The following EEA1 variants were observed in gnomAD, a reference collection of about 807,000 sequenced individuals.
The protein encoded by EEA1 is early endosome antigen 1.
In EEA1, 111 loss-of-function variants were observed where a neutral mutation model predicts 209.2. The ratio of observed to expected loss-of-function variants is 0.53; its 90% CI spans 0.45 to 0.62. EEA1 has a LOEUF of 0.62. Among genes scored for constraint, EEA1 ranks in the 20% least tolerant of loss-of-function variants. The pLI is 0.00. For synonymous variants in EEA1, 536 were observed against 540.6 expected (o/e 0.99, Z 0.12); for missense variants, 1,343 against 1,530.8 (o/e 0.88, Z 2.05).
intron 1 of EEA1, among the ~76,000 whole-genome samples, chr12:92,926,159 A>G (rs1164306804): frequency 2.0e-5 from 3 of 151,896 alleles, no homozygotes; most frequent in South Asian, 2.1e-4. Flanking sequence ...ACTCCCGGCT[A>G]ATTTTGTATT....
intron 2 of EEA1, among the ~76,000 whole-genome samples, chr12:92,871,174 T>G (rs1878627066): frequency 6.6e-6 from 1 of 152,248 alleles, no homozygotes; most frequent in Non-Finnish European, 1.5e-5. Flanking sequence ...AATATTAACT[T>G]AAATTTCTGT....
intron 2 of EEA1, chr12:92,884,522 A>C (rs146661494): frequency 3.4e-5 from 50 of 1,484,344 alleles, no homozygotes; most frequent in Non-Finnish European, 4.4e-5. Flanking sequence ...TGGAAGCTAC[A>C]ATGATTTTGG....
chr12:92,907,800 G>T (rs1880435333), intron 1 of EEA1, among the ~76,000 whole-genome samples: 1 of 152,066 alleles, frequency 6.6e-6, no homozygotes, highest in Admixed American at 6.6e-5. Context: ...AAGAACTTCA[G>T]TTAAAACCTA....
intron 10 of EEA1, among the ~76,000 whole-genome samples, 199 bp downstream of exon 10, chr12:92,842,266 T>A (rs940274955): frequency 6.6e-6 from 1 of 151,944 alleles, no homozygotes; most frequent in Admixed American, 6.6e-5. Context: ...AATGCAGAGT[T>A]AACAGTTATA....
chr12:92,849,891 A>G (rs906181124), intron 9 of EEA1, among the ~76,000 whole-genome samples: 18 of 152,222 alleles, frequency 1.2e-4, no homozygotes, highest in African/African-American at 4.1e-4. Flanking sequence ...TCAGAGGTCT[A>G]CTTTACATAA....
chr12:92,777,605 T>C lies in EEA1; in HGVS notation c.3952A>G (p.Arg1318Gly). Residue 1318 changes from arginine (R) to glycine (G), a missense_variant, in exon 27 of 29, where the codon AGA becomes GGA. Physicochemically the swap from Arg to Gly is moderately radical, Grantham distance 125 (BLOSUM62 -2). This residue lies in a region of EEA1 where 1,307 missense variants were observed against 1,465.5 expected (regional missense o/e 0.89). Transcript: ENST00000322349. Reference sequence around the variant, plus strand: ...GCTGCAGTTGTATTATCCAGCTTTCTTTGCAATTCTAATACTTTGGTTTGA... The same window carrying C: ...GCTGCAGTTGTATTATCCAGCTTTCCTTGCAATTCTAATACTTTGGTTTGA... ...KLQTKVLELQ[R>G]KLDNTTAAVQ... 6.2e-7 allele frequency: 1 copy of C among 1,612,488 alleles called. No homozygotes were observed. The highest frequency in any genetic ancestry group is 8.5e-7 in the Non-Finnish European group (1 of 1,178,972).
In EEA1 at chr12:92,884,323, G is replaced by A. The variant is rs1879288669; in HGVS notation, c.117+7306C>T. 4.6e-6 allele frequency: 6 copies of A among 1,304,722 alleles called. No individual in the cohort carries two copies. The Admixed American group carries it at 5.0e-5, about 11-fold the overall frequency. The allele number at this position is 1,304,722 out of a possible 1,614,324, so 80.8% of individuals were successfully genotyped here. The stretch of plus-strand genomic sequence containing the variant: ...TTAGGAAAGCCCTGTCAAAGCAAGA[G>A]ATGGCTAGGGCTTTATCCAGCCAAA... On this transcript the variant is annotated intron_variant, in intron 2 of 28. Coordinates refer to ENST00000322349, the MANE Select transcript of EEA1 (RefSeq NM_003566.4).
chr12:92,871,883 T>TTTTA (rs960024534), intron 2 of EEA1, among the ~76,000 whole-genome samples: 2 of 152,252 alleles, frequency 1.3e-5, no homozygotes, highest in East Asian at 1.9e-4. Flanking sequence ...TTAGCTTTTA[T>TTTTA]TTTATTTATT....
In EEA1 at chr12:92,818,336, C is replaced by T. The variant is rs115797628; in HGVS notation, c.1728+972G>A. Among the ~76,000 whole-genome samples, 1,209 of 152,254 alleles carry T rather than the reference C, an allele frequency of 7.9e-3. 25 individuals carry two copies. The highest frequency in any genetic ancestry group is 0.027 in the African/African-American group (1,112 of 41,552). On this transcript the variant is annotated intron_variant, in intron 14 of 28. Transcript: ENST00000322349. ...GTCAAAGAGTTCATGTCACTTGCTT[C>T]TCTTCTCTCAGGGATCACAGTCCTG... is the stretch of plus-strand genomic sequence containing the variant.
At chr12:92,863,331 G>C (rs930855438) in intron 3 of EEA1, among the ~76,000 whole-genome samples, 4 of 152,296 alleles carry the variant, frequency 2.6e-5, no homozygotes, top group Non-Finnish European at 1.5e-5. Context: ...GTGATGCTCT[G>C]ACACTTTTGA....
Position 92,903,459 on chromosome 12 carries a change from G to A in EEA1, c.25-11738C>T, listed in dbSNP as rs537300787. 4.6e-5 allele frequency among the ~76,000 whole-genome samples: 7 copies of A among 151,720 alleles called. No individual in the cohort carries two copies. In the East Asian group the frequency reaches 9.9e-4, roughly 21 times the overall value. ...CTAAAAATATAAAAATTAGCCAGGC[G>A]TGGTGGCACGTGCCTGTAGTCCCAG... On this transcript the variant is annotated intron_variant, in intron 1 of 28. Coordinates refer to ENST00000322349, the MANE Select transcript of EEA1 (RefSeq NM_003566.4).
chr12:92,869,924 C>A (rs1263106123), intron 2 of EEA1, among the ~76,000 whole-genome samples: 2 of 152,060 alleles, frequency 1.3e-5, no homozygotes, highest in Admixed American at 1.3e-4. Flanking sequence ...TTTCAAGAAT[C>A]TTTTATGCCT....
intron 9 of EEA1, among the ~76,000 whole-genome samples, chr12:92,844,075 G>A (rs1178769138): frequency 6.6e-6 from 1 of 152,008 alleles, no homozygotes; most frequent in Non-Finnish European, 1.5e-5. Context: ...TGAACTGAAA[G>A]ATCAAACACT....
chr12:92,835,225 T>A (rs1213506259), intron 10 of EEA1, among the ~76,000 whole-genome samples: 2 of 151,848 alleles, frequency 1.3e-5, no homozygotes, highest in Non-Finnish European at 2.9e-5. Flanking sequence ...GTTACTGAAT[T>A]TCATAAATGC....
chr12:92,779,919 T>C (rs536985745), intron 24 of EEA1, among the ~76,000 whole-genome samples: 1 of 152,174 alleles, frequency 6.6e-6, no homozygotes, highest in East Asian at 1.9e-4. Context: ...GGAAGAAAAA[T>C]AATTGAATAA....
intron 21 of EEA1, among the ~76,000 whole-genome samples, chr12:92,797,183 G>A (rs1401718508): frequency 4.6e-5 from 7 of 152,186 alleles, no homozygotes; most frequent in Non-Finnish European, 7.3e-5. Flanking sequence ...TGCCTCTGGG[G>A]TTCAAGCGAG....
intron 2 of EEA1, among the ~76,000 whole-genome samples, chr12:92,885,695 A>T (rs1879351622): frequency 6.6e-6 from 1 of 152,200 alleles, no homozygotes; most frequent in Non-Finnish European, 1.5e-5. Flanking sequence ...GTGGATCATG[A>T]CAAAGTTTTT....
intron 21 of EEA1, among the ~76,000 whole-genome samples, chr12:92,788,283 T>TA (rs1555198791): frequency 1.4e-4 from 21 of 150,562 alleles, no homozygotes; most frequent in Middle Eastern, 6.8e-3. Context: ...TTTTTTTTTT[T>TA]AAAAAGGCAT....
chr12:92,907,419 C>T (rs1004662152), intron 1 of EEA1, among the ~76,000 whole-genome samples: 2 of 152,212 alleles, frequency 1.3e-5, no homozygotes, highest in South Asian at 2.1e-4. Flanking sequence ...AGAACCATCA[C>T]ACACTCATTT....
Sources: gnomAD v4.1 joint callset for allele counts (sites outside exome capture counted in the v4.1 genomes callset) on GRCh38, gnomAD v4.1.1 for gene constraint, gnomAD v4.1.1 regional missense constraint, MANE v1.5 for transcripts, NCBI Gene and HGNC (gene_info 2026-07-23, HGNC 2026-07-21) for gene names.